The following FLT3 variants were observed in gnomAD, a reference collection of about 807,000 sequenced individuals.
FLT3 encodes the protein receptor-type tyrosine-protein kinase FLT3.
In FLT3, 46 loss-of-function variants were observed where a neutral mutation model predicts 126.6. The ratio of observed to expected loss-of-function variants is 0.36; its 90% CI spans 0.29 to 0.46. FLT3 has a LOEUF of 0.46. Ranked by LOEUF, FLT3 falls within the 20% of genes least tolerant of loss-of-function variation. The pLI is 1.00. For synonymous variants in FLT3, 404 were observed against 434.4 expected, an observed-to-expected ratio of 0.93 and a Z score of 0.87; for missense variants, 1,069 against 1,190.3, an observed-to-expected ratio of 0.90 and a Z score of 1.50.
Position 28,100,478 on chromosome 13 carries a change from C to A in FLT3, c.33G>T (p.Leu11=). The A allele has an allele frequency of 8.2e-7, 1 of 1,217,650 alleles. No individual in the cohort carries two copies. Among genetic ancestry groups the A allele is most frequent in the Non-Finnish European group, 1.0e-6 (1 of 978,942 alleles). The allele number at this position is 1,217,650 out of a possible 1,614,324, so 75.4% of individuals were successfully genotyped here. A position where few individuals can be genotyped will look rare whatever the true frequency, so the allele number is the denominator to read the frequency against. Residue 11 remains leucine, a synonymous_variant, in exon 1 of 24, where the codon CTG becomes CTT. Coordinates refer to ENST00000241453, the MANE Select transcript of FLT3 (RefSeq NM_004119.3). This position sits in a 1 kb window ranked among gnomAD's most constrained non-coding sequence, Gnocchi z 4.8. ...CGAGCGGGGCCTTACCGAGCAGCGG[C>A]AGCTGGCCGCCGTCGCGCGCCAACG... MPALARDGGQ[L]PLLVVFSAMI...
intron 9 of FLT3, among the ~76,000 whole-genome samples, chr13:28,046,083 A>G (rs6491254): frequency 0.95 from 145,056 of 152,180 alleles, 69,510 homozygotes; most frequent in East Asian, 1. Flanking sequence ...TACAGTGCAC[A>G]GGACAGTCCT....
intron 12 of FLT3, 58 bp from the exon 13 acceptor site, chr13:28,034,465 T>C: frequency 8.2e-7 from 1 of 1,221,948 alleles, no homozygotes; most frequent in East Asian, 2.3e-5. Context: ...ACATTATAAA[T>C]AGTGGACAAC....
At position 28,023,372 on chromosome 13, in the gene FLT3, A is replaced by C; in HGVS notation, c.2396T>G (p.Met799Arg). ...TACCGACTTAAATTCCAGAAATTCC[A>C]TTCCTTTGGCAACTTGATATGCAAA... is the stretch of plus-strand genomic sequence containing the variant. Reference protein sequence around the residue: ...LCFAYQVAKGMEFLEFKSCVH... With the variant: ...LCFAYQVAKGREFLEFKSCVH... Residue 799 changes from methionine to arginine, a missense_variant, in exon 19 of 24, where the codon ATG becomes AGG. Met to Arg is a moderately conservative substitution (Grantham distance 91). Transcript: ENST00000241453. The C allele has an allele frequency of 1.2e-6, 2 of 1,613,418 alleles. No homozygotes were observed. The highest frequency in any genetic ancestry group is 1.7e-6 in the Non-Finnish European group (2 of 1,179,810).
rs1045429768 is a variant in FLT3 at position 28,061,952 on chromosome 13, C to T, written c.283G>A (p.Val95Ile). The T allele has an allele frequency of 1.2e-6, 2 of 1,613,748 alleles. No individual in the cohort carries two copies. The highest frequency in any genetic ancestry group is 1.3e-5 in the African/African-American group (1 of 74,908). The change falls in exon 3 of 24, where the codon GTC (valine) becomes ATC (isoleucine). Residue 95 changes from valine to isoleucine, a missense_variant. Coordinates refer to ENST00000241453, the MANE Select transcript of FLT3 (RefSeq NM_004119.3). ...CAGGAAATGTTCCCTGGGGCGTCGA[C>T]CAGCACTTGCAGTGTGATGGAAGCA... The part of the protein sequence containing the change: ...VSASITLQVL[V>I]DAPGNISCLW...
Position 28,035,956 on chromosome 13 carries a change from T to C in FLT3, c.1397A>G (p.Lys466Arg), listed in dbSNP as rs559604139. 8 of 1,613,864 alleles carry C rather than the reference T, an allele frequency of 5.0e-6. No homozygotes were observed. The African/African-American group carries it at 8.0e-5, about 16-fold the overall frequency. ...GYPLPSWTWK[K>R]CSDKSPNCTE... Reference sequence around the variant, plus strand: ...TTACTTGGGAGACTTGTCTGAACACTTCTTCCAGGTCCAAGATGGTAATGG... The same window carrying C: ...TTACTTGGGAGACTTGTCTGAACACCTCTTCCAGGTCCAAGATGGTAATGG... The change falls in exon 11 of 24, where the codon AAG becomes AGG. Residue 466 changes from lysine (K) to arginine (R), a missense_variant. Coordinates refer to ENST00000241453, the MANE Select transcript of FLT3 (RefSeq NM_004119.3).
intron 1 of FLT3, among the ~76,000 whole-genome samples, chr13:28,088,019 T>C (rs541194014): frequency 6.6e-6 from 1 of 152,358 alleles, no homozygotes; most frequent in African/African-American, 2.4e-5. Flanking sequence ...TCTCCTTAAG[T>C]TAAATATTTC....
At chr13:28,038,262 G>A (rs1874020879) in intron 9 of FLT3, among the ~76,000 whole-genome samples, 1 of 151,870 alleles carries the variant, frequency 6.6e-6, no homozygotes, top group African/African-American at 2.4e-5. Flanking sequence ...AGGCCTGTGG[G>A]TTGCTGGATA....
intron 1 of FLT3, among the ~76,000 whole-genome samples, chr13:28,099,707 C>T (rs1879696636): frequency 6.6e-6 from 1 of 152,120 alleles, no homozygotes; most frequent in South Asian, 2.1e-4. Context: ...AGAAAGCTGA[C>T]GCGAACCGAT....
intron 23 of FLT3, chr13:28,009,220 G>A (rs1301459991): frequency 6.6e-6 from 1 of 151,980 alleles, no homozygotes; most frequent in Non-Finnish European, 1.5e-5. Context: ...TGTTTTCTAT[G>A]GTCATTTTCT....
chr13:28,016,922 A>G (rs1281127185), intron 20 of FLT3, among the ~76,000 whole-genome samples: 1 of 152,176 alleles, frequency 6.6e-6, no homozygotes, highest in Non-Finnish European at 1.5e-5. Context: ...CACCCTGGAC[A>G]AGGTGCTTTC....
chr13:28,031,491 G>A (rs1873342273), intron 15 of FLT3, among the ~76,000 whole-genome samples: 2 of 152,256 alleles, frequency 1.3e-5, no homozygotes, highest in Admixed American at 1.3e-4. Context: ...GAGGCACAGG[G>A]GCTACTGGAC....
intron 20 of FLT3, among the ~76,000 whole-genome samples, chr13:28,017,746 C>CCTCCA (rs1872008922): frequency 1.3e-5 from 2 of 150,352 alleles, no homozygotes; most frequent in Non-Finnish European, 3.0e-5. Flanking sequence ...CTCACTGCAA[C>CCTCCA]CTCCACCTCC....
intron 15 of FLT3, 144 bp from the exon 16 acceptor site, chr13:28,028,432 C>T (rs1201271434): frequency 3.3e-6 from 2 of 603,788 alleles, no homozygotes; most frequent in South Asian, 2.0e-5. Context: ...CATGGTGGGT[C>T]ATGCCTGTAA....
intron 17 of FLT3, chr13:28,025,268 T>C: frequency 2.5e-6 from 1 of 396,944 alleles, no homozygotes; most frequent in East Asian, 6.1e-5. Flanking sequence ...ATGATTCGAG[T>C]GGAACCAGGA....
chr13:28,077,830 A>G (rs1414823839), intron 1 of FLT3, among the ~76,000 whole-genome samples: 3 of 152,228 alleles, frequency 2.0e-5, no homozygotes, highest in African/African-American at 7.2e-5. Context: ...CAATGGGGGT[A>G]CAGGCATTGG....
At chr13:28,082,477 T>C (rs903103833) in intron 1 of FLT3, among the ~76,000 whole-genome samples, 16 of 151,864 alleles carry the variant, frequency 1.1e-4, no homozygotes, top group Admixed American at 4.6e-4. Flanking sequence ...ATTTTTTGTT[T>C]TTTCTGCTGC....
At chr13:28,061,365 A>AT (rs368399760) in intron 3 of FLT3, among the ~76,000 whole-genome samples, 98 of 1,388 alleles carry the variant, frequency 0.071, no homozygotes, top group African/African-American at 0.12. Context: ...ATTAGGGTTC[A>AT]TTTTTTGTGT....
intron 20 of FLT3, among the ~76,000 whole-genome samples, chr13:28,016,756 T>G (rs1271663092): frequency 6.6e-6 from 1 of 152,222 alleles, no homozygotes; most frequent in Non-Finnish European, 1.5e-5. Flanking sequence ...GAATTCACTT[T>G]CCCACATAAG....
At chr13:28,099,737 A>G (rs1335337677) in intron 1 of FLT3, among the ~76,000 whole-genome samples, 3 of 152,080 alleles carry the variant, frequency 2.0e-5, no homozygotes, top group Non-Finnish European at 4.4e-5. Context: ...TTTTTTTTCA[A>G]TAACAACTAT....
Sources: allele counts gnomAD v4.1 joint callset (sites outside exome capture counted in the v4.1 genomes callset), GRCh38; gene constraint gnomAD v4.1.1; non-coding constraint Gnocchi (gnomAD v3.1); transcripts MANE v1.5; gene names NCBI Gene and HGNC (gene_info 2026-07-23, HGNC 2026-07-21).